The following KANSL1 variants were observed in gnomAD, a reference collection of about 807,000 sequenced individuals.
The protein encoded by KANSL1 is MLL1/MLL complex subunit KANSL1.
A neutral mutation model predicts 103.6 loss-of-function variants in KANSL1; 22 were observed. That is an observed-to-expected ratio of 0.21 (90% confidence interval 0.15 to 0.30). The LOEUF is 0.30. KANSL1 is among the 10% of genes least tolerant of loss of function. The probability of loss-of-function intolerance (pLI) is 1.00; values close to 1 mark genes in which losing one functional copy is unlikely to be tolerated. For synonymous variants in KANSL1, 600 were observed against 527.6 expected (o/e 1.14, Z -1.88); for missense variants, 1,337 against 1,399.8 (o/e 0.96, Z 0.72).
At chr17:46,096,016 G>A (rs1385633050) in intron 2 of KANSL1, among the ~76,000 whole-genome samples, 2 of 152,060 alleles carry the variant, frequency 1.3e-5, no homozygotes, top group Admixed American at 6.6e-5. Flanking sequence ...GGTGAGAAAT[G>A]GAAAAGAGCA....
chr17:46,121,889 C>T (rs890534190), intron 2 of KANSL1, among the ~76,000 whole-genome samples: 1 of 152,148 alleles, frequency 6.6e-6, no homozygotes, highest in South Asian at 2.1e-4. Flanking sequence ...CTGGGCCTAC[C>T]TTAACGTGCT....
chr17:46,033,035 C>A, intron 13 of KANSL1, 45 bp downstream of exon 13: 2 of 1,459,058 alleles, frequency 1.4e-6, no homozygotes, highest in Admixed American at 2.2e-5. Context: ...ACTCCCTGTC[C>A]ACCCTCTCTC....
chr17:46,170,730 G>A (rs1473847973), intron 2 of KANSL1, 125 bp downstream of exon 2: 1 of 1,133,224 alleles, frequency 8.8e-7, no homozygotes, highest in Non-Finnish European at 1.2e-6. Flanking sequence ...CAACATCAGG[G>A]AAAAAACAAA....
At chr17:46,218,679 A>G (rs1485709608) in intron 1 of KANSL1, among the ~76,000 whole-genome samples, 1 of 152,088 alleles carries the variant, frequency 6.6e-6, no homozygotes, top group African/African-American at 2.4e-5. Flanking sequence ...GCTACTTGAG[A>G]GGCTGAGGCA....
At chr17:46,176,783 GTTTA>G (rs1371561097) in intron 1 of KANSL1, among the ~76,000 whole-genome samples, 1 of 151,610 alleles carries the variant, frequency 6.6e-6, no homozygotes. Context: ...AAAGACAATA[GTTTA>G]TTTGATTTGC....
In KANSL1 at chr17:46,171,278, C is replaced by G; in HGVS notation, c.866G>C (p.Arg289Pro). Residue 289 changes from arginine to proline, a missense_variant, in exon 2 of 15, where the codon CGG becomes CCG. Arg to Pro is a moderately radical substitution (Grantham distance 103). Around this residue, in one of 2 missense-constraint regions of KANSL1, gnomAD observed 557 missense variants for 476.4 expected, o/e 1.17. Transcript: ENST00000432791. The part of the protein sequence containing the change: ...DSDTRITALL[R>P]RQADIESRAR... The stretch of plus-strand genomic sequence containing the variant: ...ACGGCTCTCAATGTCAGCCTGTCGC[C>G]GCAGTAAAGCTGTTATCCTTGTGTC... The G allele has an allele frequency of 6.2e-7, 1 of 1,614,030 alleles. No individual in the cohort carries two copies. Among genetic ancestry groups the G allele is most frequent in the Non-Finnish European group, 8.5e-7 (1 of 1,180,044 alleles).
chr17:46,220,750 G>A (rs1245087708), intron 1 of KANSL1, among the ~76,000 whole-genome samples: 1 of 152,132 alleles, frequency 6.6e-6, no homozygotes, highest in Non-Finnish European at 1.5e-5. Flanking sequence ...ACAGCGGCGT[G>A]ATCTCAGCTC....
intron 4 of KANSL1, among the ~76,000 whole-genome samples, chr17:46,072,723 C>T (rs1046536789): frequency 5.9e-5 from 9 of 152,058 alleles, no homozygotes; most frequent in African/African-American, 2.2e-4. Flanking sequence ...TAATTTCTGC[C>T]TATGTGGGGC....
rs1701694035 is a variant in KANSL1, at chr17:46,052,963, CCAAAAAAAA to C, written c.1849-2268_1849-2260del. 2.1e-4 allele frequency among the ~76,000 whole-genome samples: 9 copies of C among 43,162 alleles called. 1 individual carries two copies. The highest frequency in any genetic ancestry group is 9.2e-4 in the African/African-American group (9 of 9,826). 28.3% of individuals were successfully genotyped at this position (43,162 alleles called of 152,430 possible). On this transcript the variant is annotated intron_variant, in intron 6 of 14. Transcript: ENST00000432791. ...TGGGAAAAAGAGTAAGATCCTGTCT[CCAAAAAAAA>C]AAAAAAAAAAAAAAAAAAAAAAAAA...
chr17:46,185,360 T>C (rs2046972445), intron 1 of KANSL1, among the ~76,000 whole-genome samples: 1 of 152,192 alleles, frequency 6.6e-6, no homozygotes, highest in South Asian at 2.1e-4. Context: ...CACTACAAGT[T>C]CCAGTTATTT....
At position 46,039,192 on chromosome 17, in the gene KANSL1, G is replaced by C. The variant is rs764739866; in HGVS notation, c.2227C>G (p.Pro743Ala). ...TAKLSHHQTR[P>A]DRTHRQHLDD... ...AAGTGCTGCCTGTGGGTCCTGTCAGGCCGGGTTTGGTGATGGGACAGCTCT... is the reference window on the plus strand; with the variant it reads ...AAGTGCTGCCTGTGGGTCCTGTCAGCCCGGGTTTGGTGATGGGACAGCTCT... Residue 743 changes from proline to alanine, a missense_variant, in exon 9 of 15, where the codon CCT (proline) becomes GCT (alanine). Physicochemically the swap from Pro to Ala is conservative, Grantham distance 27. Transcript: ENST00000432791. The C allele has an allele frequency of 6.3e-7, 1 of 1,591,798 alleles. No individual in the cohort carries two copies. The highest frequency in any genetic ancestry group is 1.1e-5 in the South Asian group (1 of 88,000).
At chr17:46,090,079 A>G (rs2079323415) in intron 3 of KANSL1, among the ~76,000 whole-genome samples, 1 of 152,224 alleles carries the variant, frequency 6.6e-6, no homozygotes, top group African/African-American at 2.4e-5. Flanking sequence ...TCTAAATTCA[A>G]TATGACTGGT....
chr17:46,203,222 C>T (rs1356630804), intron 1 of KANSL1, among the ~76,000 whole-genome samples: 1 of 152,116 alleles, frequency 6.6e-6, no homozygotes, highest in African/African-American at 2.4e-5. Context: ...GCCTGAACGA[C>T]AGAGCAGACT....
intron 7 of KANSL1, chr17:46,045,444 T>C (rs1483616867): frequency 8.5e-6 from 1 of 116,968 alleles, no homozygotes; most frequent in Non-Finnish European, 2.3e-5. Context: ...TGTAAAAATA[T>C]ATATATATCT....
At chr17:46,106,836 CA>C (rs2042588254) in intron 2 of KANSL1, among the ~76,000 whole-genome samples, 2 of 126,290 alleles carry the variant, frequency 1.6e-5, no homozygotes, top group South Asian at 2.3e-4. Flanking sequence ...AGGAACAAAA[CA>C]AACAAAAAAG....
intron 10 of KANSL1, chr17:46,037,429 G>A (rs2077183087): frequency 6.6e-6 from 1 of 152,218 alleles, no homozygotes; most frequent in South Asian, 2.1e-4. Context: ...CTGATCACAG[G>A]AGCCTAGTGA....
chr17:46,063,595 T>G (rs2078256522), intron 6 of KANSL1, among the ~76,000 whole-genome samples: 1 of 152,244 alleles, frequency 6.6e-6, no homozygotes, highest in African/African-American at 2.4e-5. Context: ...TTATTTTTCA[T>G]GCAGCTTACT....
intron 1 of KANSL1, among the ~76,000 whole-genome samples, chr17:46,212,504 C>T (rs1378207502): frequency 6.6e-6 from 1 of 152,218 alleles, no homozygotes; most frequent in Non-Finnish European, 1.5e-5. Flanking sequence ...CGGGCATGAG[C>T]CACCGCACCC....
intron 2 of KANSL1, among the ~76,000 whole-genome samples, chr17:46,140,368 G>A (rs888371588): frequency 1.3e-5 from 2 of 152,090 alleles, no homozygotes; most frequent in Non-Finnish European, 2.9e-5. Flanking sequence ...AAATAAAATT[G>A]GATTCCTACC....
Sources: allele counts gnomAD v4.1 joint callset (sites outside exome capture counted in the v4.1 genomes callset), GRCh38; gene constraint gnomAD v4.1.1; regional missense constraint gnomAD v4.1.1; transcripts MANE v1.5; gene names NCBI Gene and HGNC (gene_info 2026-07-23, HGNC 2026-07-21).